NSMCE2: variants seen among roughly 807,000 people sequenced by gnomAD.
The protein encoded by NSMCE2 is NSE2 SUMO ligase component of SMC5/6 complex.
In NSMCE2, 24 loss-of-function variants were observed where a neutral mutation model predicts 23.8. That is an observed-to-expected ratio of 1.01 (90% CI 0.73 to 1.42). The LOEUF (loss-of-function observed/expected upper bound fraction) is 1.42, where lower values mean the gene tolerates loss of function less well. Among genes scored for constraint, NSMCE2 ranks in the 40% most tolerant of loss-of-function variants. The pLI, the probability that NSMCE2 is intolerant of heterozygous loss-of-function variation, is 0.00. For missense variants in NSMCE2, 284 were observed against 296.5 expected, an observed-to-expected ratio of 0.96 and a Z score of 0.31; for synonymous variants, 92 against 94.1, an observed-to-expected ratio of 0.98 and a Z score of 0.13.
intron 4 of NSMCE2, among the ~76,000 whole-genome samples, chr8:125,172,345 A>G (rs1822263066): frequency 6.6e-6 from 1 of 152,232 alleles, no homozygotes; most frequent in Non-Finnish European, 1.5e-5. Flanking sequence ...CTAAAGTGAG[A>G]AATTCCCAGA....
At chr8:125,312,090 A>AAG (rs780924726) in intron 5 of NSMCE2, among the ~76,000 whole-genome samples, 11,148 of 148,862 alleles carry the variant, frequency 0.075, 664 homozygotes, top group Non-Finnish European at 0.11. Context: ...AAAAAAAAAA[A>AAG]AAAGAAAGAA....
intron 5 of NSMCE2, among the ~76,000 whole-genome samples, chr8:125,298,549 G>A (rs1341262866): frequency 2.6e-5 from 4 of 152,096 alleles, no homozygotes; most frequent in Non-Finnish European, 4.4e-5. Flanking sequence ...AGGATAATGC[G>A]GGAAATTTAC....
intron 5 of NSMCE2, among the ~76,000 whole-genome samples, chr8:125,190,873 T>A (rs1311301495): frequency 6.6e-6 from 1 of 152,124 alleles, no homozygotes; most frequent in Non-Finnish European, 1.5e-5. Flanking sequence ...ATGTACATTA[T>A]TATGATTATT....
intron 4 of NSMCE2, among the ~76,000 whole-genome samples, chr8:125,180,391 C>T (rs920262390): frequency 1.3e-5 from 2 of 152,150 alleles, no homozygotes; most frequent in Non-Finnish European, 2.9e-5. Flanking sequence ...ACAGTCCGTT[C>T]CTACACTAAA....
intron 5 of NSMCE2, among the ~76,000 whole-genome samples, chr8:125,222,633 G>T (rs890308241): frequency 2.6e-5 from 4 of 152,126 alleles, no homozygotes; most frequent in African/African-American, 9.7e-5. Flanking sequence ...GTCTTTATGT[G>T]CCTGGCTTAT....
At chr8:125,287,000 G>T (rs1373916564) in intron 5 of NSMCE2, among the ~76,000 whole-genome samples, 1 of 152,068 alleles carries the variant, frequency 6.6e-6, no homozygotes, top group East Asian at 1.9e-4. Context: ...TCTGTAGGGT[G>T]GTTTTACCAC....
At chr8:125,267,188 A>T (rs549778941) in intron 5 of NSMCE2, among the ~76,000 whole-genome samples, 1 of 151,876 alleles carries the variant, frequency 6.6e-6, no homozygotes, top group Admixed American at 6.6e-5. Context: ...TTGTATTTTT[A>T]GTAGAGACAG....
chr8:125,192,245 T>C (rs1160178588), intron 5 of NSMCE2, among the ~76,000 whole-genome samples: 5 of 152,172 alleles, frequency 3.3e-5, no homozygotes, highest in Non-Finnish European at 7.4e-5. Context: ...TAGAATGATT[T>C]AAGTGTTATA....
intron 4 of NSMCE2, among the ~76,000 whole-genome samples, chr8:125,156,486 T>C (rs1393233964): frequency 3.3e-5 from 5 of 152,224 alleles, no homozygotes; most frequent in Admixed American, 6.5e-5. Flanking sequence ...CAATATCTTA[T>C]AACAATTCCT....
At chr8:125,258,466 C>A (rs1826536438) in intron 5 of NSMCE2, among the ~76,000 whole-genome samples, 1 of 152,212 alleles carries the variant, frequency 6.6e-6, no homozygotes, top group Admixed American at 6.5e-5. Flanking sequence ...CCGCTCCCCC[C>A]ACCCCACTTT....
intron 5 of NSMCE2, among the ~76,000 whole-genome samples, chr8:125,298,701 T>G (rs1029806438): frequency 3.2e-4 from 48 of 151,482 alleles, no homozygotes; most frequent in Middle Eastern, 6.8e-3. Context: ...TTTTTTGTTT[T>G]TTTTTTTTTT....
intron 5 of NSMCE2, among the ~76,000 whole-genome samples, chr8:125,300,208 G>A (rs565891524): frequency 8.0e-5 from 12 of 150,284 alleles, no homozygotes; most frequent in Middle Eastern, 3.2e-3. Context: ...TAGCTTGGTC[G>A]CCCAGGCTAG....
chr8:125,333,278 T>A (rs1829946836), intron 5 of NSMCE2, among the ~76,000 whole-genome samples: 1 of 151,644 alleles, frequency 6.6e-6, no homozygotes, highest in Non-Finnish European at 1.5e-5. Flanking sequence ...CAAGTAATCC[T>A]CCCCATTCAG....
intron 5 of NSMCE2, among the ~76,000 whole-genome samples, chr8:125,258,764 T>A (rs77703655): frequency 0.051 from 7,737 of 152,256 alleles, 274 homozygotes; most frequent in South Asian, 0.17. Context: ...GCAATGTGAT[T>A]TGCTTCTTAT....
At chr8:125,177,830 C>T (rs1822571743) in intron 4 of NSMCE2, among the ~76,000 whole-genome samples, 1 of 152,148 alleles carries the variant, frequency 6.6e-6, no homozygotes, top group African/African-American at 2.4e-5. Context: ...CCTTTTGCAT[C>T]TCTCTTCTTT....
At chr8:125,167,263 T>C (rs1353982130) in intron 4 of NSMCE2, among the ~76,000 whole-genome samples, 1 of 152,206 alleles carries the variant, frequency 6.6e-6, no homozygotes, top group Non-Finnish European at 1.5e-5. Context: ...AGATTCTCAT[T>C]AGTTAGAAAT....
chr8:125,331,232 G>A (rs757174696), intron 5 of NSMCE2, among the ~76,000 whole-genome samples: 19 of 152,148 alleles, frequency 1.2e-4, no homozygotes, highest in South Asian at 2.1e-4. Context: ...CCCGGGAGGC[G>A]GAGCTTGCAG....
At position 125,101,170 on chromosome 8, in the gene NSMCE2, C is replaced by T. The variant is rs148453308; in HGVS notation, c.-110-881C>T. The stretch of plus-strand genomic sequence containing the variant: ...ATATCCTGTGGATTTTTGAATGGGT[C>T]TCATGATTGACATGGTAGGTACTCA... On this transcript the variant is annotated intron_variant, in intron 1 of 7. Coordinates refer to ENST00000287437, the MANE Select transcript of NSMCE2 (RefSeq NM_173685.4). Among the ~76,000 whole-genome samples, 60 of 152,224 alleles carry T rather than the reference C, an allele frequency of 3.9e-4. No individual in the cohort carries two copies. The East Asian group carries it at 0.011, about 29-fold the overall frequency.
chr8:125,181,282 G>T (rs1047273775), intron 4 of NSMCE2, among the ~76,000 whole-genome samples: 1 of 152,108 alleles, frequency 6.6e-6, no homozygotes, highest in African/African-American at 2.4e-5. Flanking sequence ...TTAAAAAATG[G>T]GTGTGAAGAG....
Sources: allele counts gnomAD v4.1 joint callset (sites outside exome capture counted in the v4.1 genomes callset), GRCh38; gene constraint gnomAD v4.1.1; transcripts MANE v1.5; gene names NCBI Gene and HGNC (gene_info 2026-07-23, HGNC 2026-07-21).